AGT: variants seen among roughly 807,000 people sequenced by gnomAD.
AGT encodes alpha-1 antiproteinase, antitrypsin.
Under a neutral mutation model 28.1 loss-of-function variants are expected in AGT, and 26 were observed. The observed-to-expected ratio is 0.92, with a 90% CI of 0.68 to 1.28. The LOEUF (loss-of-function observed/expected upper bound fraction) is 1.28, where lower values mean the gene tolerates loss of function less well. AGT is among the 50% of genes most tolerant of loss of function. The pLI is 0.00. For missense variants in AGT, 596 were observed against 592.3 expected (o/e 1.01, Z -0.06); for synonymous variants, 259 against 259.6 (o/e 1.00, Z 0.02).
upstream of AGT, among the ~76,000 whole-genome samples, chr1:230,719,412 T>A (rs1039582219): frequency 1.6e-4 from 12 of 76,052 alleles, no homozygotes; most frequent in African/African-American, 4.9e-4. Flanking sequence ...TTATGTTTTT[T>A]TTTTTTTTTT....
chr1:230,741,352 T>C (rs1664245829), intron 1 of AGT, among the ~76,000 whole-genome samples: 1 of 152,182 alleles, frequency 6.6e-6, no homozygotes, highest in Non-Finnish European at 1.5e-5. Flanking sequence ...TGTGCAGCCC[T>C]GGGAAACCAG....
chr1:230,703,665 G>A (rs564906092), intron 4 of AGT, among the ~76,000 whole-genome samples: 3 of 152,332 alleles, frequency 2.0e-5, no homozygotes, highest in South Asian at 2.1e-4. Context: ...ACCAGTGCCA[G>A]GGCTTAGCTA....
At chr1:230,720,704 A>ATG (rs1663825596) in intron 1 of AGT, among the ~76,000 whole-genome samples, 1 of 152,148 alleles carries the variant, frequency 6.6e-6, no homozygotes, top group Admixed American at 6.5e-5. Flanking sequence ...TGTCATGCCC[A>ATG]CCTTTGAGTA....
chr1:230,742,150 C>T (rs1212772578), intron 1 of AGT, among the ~76,000 whole-genome samples: 1 of 152,158 alleles, frequency 6.6e-6, no homozygotes, highest in Non-Finnish European at 1.5e-5. Context: ...CCACATTCCT[C>T]TACCCCCATC....
At chr1:230,710,890 T>G (rs923861554) in intron 1 of AGT, 37 bp from the exon 2 acceptor site, 1 of 1,602,330 alleles carries the variant, frequency 6.2e-7, no homozygotes, top group African/African-American at 1.3e-5. Context: ...AAGGTGGTTA[T>G]TAACTGACCT....
rs1388933847 is a variant in AGT, at chr1:230,705,913, G to A, written c.1097+20C>T. 1 of 1,613,672 alleles carries A rather than the reference G, an allele frequency of 6.2e-7. No homozygotes were observed. Among genetic ancestry groups the A allele is most frequent in the Non-Finnish European group, 8.5e-7 (1 of 1,179,810 alleles). On this transcript the variant is annotated intron_variant, in intron 3 of 4. Coordinates refer to ENST00000366667, the MANE Select transcript of AGT (RefSeq NM_001384479.1). The stretch of plus-strand genomic sequence containing the variant: ...GACAGTGTGGCTCCCACATTCCAGG[G>A]GAGACCGGGAGGCTCCTACCGGGGA...
chr1:230,706,136 T>G lies in AGT; in HGVS notation c.894A>C (p.Ser298=), dbSNP rs200945788. 2.6e-5 allele frequency: 42 copies of G among 1,613,632 alleles called. No homozygotes were observed. In the African/African-American group the frequency reaches 4.8e-4, roughly 18 times the overall value. ...PQEFWVDNST[S]VSVPMLSGMG... ...TGCCAGAGAGCATGGGAACAGACAC[T>G]GAGGTGCTGTTGTCCACCCAGAACT... is the stretch of plus-strand genomic sequence containing the variant. Residue 298 remains serine (S), a synonymous_variant, in exon 3 of 5, where the codon TCA becomes TCC. Transcript: ENST00000366667.
intron 2 of AGT, among the ~76,000 whole-genome samples, chr1:230,707,848 T>A (rs762512571): frequency 1.0e-3 from 152 of 152,218 alleles, no homozygotes; most frequent in Non-Finnish European, 1.5e-3. Context: ...GCTAGGTAAA[T>A]CTGTCGAGGT....
At chr1:230,735,229 G>T (rs1006757252) in intron 1 of AGT, among the ~76,000 whole-genome samples, 1 of 152,072 alleles carries the variant, frequency 6.6e-6, no homozygotes, top group Non-Finnish European at 1.5e-5. Context: ...ACCTCCCAGA[G>T]CATGGAAATC....
At chr1:230,711,552 T>C (rs1250019587) in intron 1 of AGT, among the ~76,000 whole-genome samples, 1 of 152,158 alleles carries the variant, frequency 6.6e-6, no homozygotes, top group Non-Finnish European at 1.5e-5. Context: ...GGAGGCCTCC[T>C]AGACCCCTGA....
chr1:230,717,783 G>A (rs931928501), upstream of AGT, among the ~76,000 whole-genome samples: 6 of 152,140 alleles, frequency 3.9e-5, no homozygotes, highest in African/African-American at 4.8e-5. Flanking sequence ...GGCTGGAACC[G>A]GGCATTTGGA....
chr1:230,725,072 T>C (rs187136201), intron 1 of AGT, among the ~76,000 whole-genome samples: 2 of 152,344 alleles, frequency 1.3e-5, no homozygotes, highest in Admixed American at 1.3e-4. Flanking sequence ...TGAAAATTAC[T>C]TTTCAGAAAT....
intron 4 of AGT, among the ~76,000 whole-genome samples, chr1:230,703,787 G>T (rs1379949152): frequency 6.6e-6 from 1 of 152,262 alleles, no homozygotes; most frequent in Non-Finnish European, 1.5e-5. Flanking sequence ...CTGCAGATGT[G>T]CATGGTGCCA....
At position 230,710,022 on chromosome 1, in the gene AGT, C is replaced by A. The variant is rs767559655; in HGVS notation, c.802G>T (p.Ala268Ser). ...TGGAAGTGGACGTAGGTGTTGAAAG[C>A]CAGGGTGCTGTCCACACTGGCTCCC... ...LMGASVDSTL[A>S]FNTYVHFQGK... Residue 268 changes from alanine (A) to serine (S), a missense_variant, in exon 2 of 5, where the codon GCT (alanine) becomes TCT (serine). Ala to Ser is a moderately conservative substitution (Grantham distance 99). Transcript: ENST00000366667. The A allele has an allele frequency of 6.2e-7, 1 of 1,614,192 alleles. No individual in the cohort carries two copies. Among genetic ancestry groups the A allele is most frequent in the South Asian group, 1.1e-5 (1 of 91,088 alleles).
chr1:230,725,670 A>G (rs894260497), intron 1 of AGT, among the ~76,000 whole-genome samples: 2 of 152,204 alleles, frequency 1.3e-5, no homozygotes, highest in Non-Finnish European at 2.9e-5. Flanking sequence ...GAGTTCTAGA[A>G]ATAATATTTA....
At chr1:230,707,642 C>A (rs1663428788) in intron 2 of AGT, among the ~76,000 whole-genome samples, 1 of 152,220 alleles carries the variant, frequency 6.6e-6, no homozygotes, top group South Asian at 2.1e-4. Context: ...ACGTTCCCTG[C>A]AGGGACCTCG....
chr1:230,704,281 T>A lies in AGT; in HGVS notation c.1154A>T (p.Asp385Val). 6.2e-7 allele frequency: 1 copy of A among 1,614,210 alleles called. No individual in the cohort carries two copies. The highest frequency in any genetic ancestry group is 8.5e-7 in the Non-Finnish European group (1 of 1,180,032). Reference sequence around the variant, plus strand: ...GGGCAGCTCAGCCTGGGCGAGCAGGTCCTGCAGGTCATAAGATCCTTGCAG... The same window carrying A: ...GGGCAGCTCAGCCTGGGCGAGCAGGACCTGCAGGTCATAAGATCCTTGCAG... ...LVLQGSYDLQ[D>V]LLAQAELPAI... Residue 385 changes from aspartate to valine, a missense_variant, in exon 4 of 5, where the codon GAC (aspartate) becomes GTC (valine). By Grantham distance (152) the Asp-to-Val change is radical. Transcript: ENST00000366667.
chr1:230,719,818 T>A (rs1398182976), intron 1 of AGT, among the ~76,000 whole-genome samples: 1 of 152,178 alleles, frequency 6.6e-6, no homozygotes, highest in African/African-American at 2.4e-5. Context: ...CAACATTAGC[T>A]GACATAATTA....
At position 230,703,345 on chromosome 1, in the gene AGT, C is replaced by T. The variant is rs150388186; in HGVS notation, c.1243-16G>A. ...TGTTCAGCACCTGCAAAGCAGCAGA[C>T]ATCAGGATCATTCTGAGGGCGCACT... is the stretch of plus-strand genomic sequence containing the variant. On this transcript the variant is annotated splice_polypyrimidine_tract_variant and intron_variant, in intron 4 of 4. Transcript: ENST00000366667. The T allele has an allele frequency of 1.8e-4, 295 of 1,614,122 alleles. 2 individuals carry two copies. Among genetic ancestry groups the T allele is most frequent in the Middle Eastern group, 8.3e-4 (5 of 6,042 alleles).
Sources: gnomAD v4.1 joint callset for allele counts (sites outside exome capture counted in the v4.1 genomes callset) on GRCh38, gnomAD v4.1.1 for gene constraint, MANE v1.5 for transcripts, NCBI Gene and HGNC (gene_info 2026-07-23, HGNC 2026-07-21) for gene names.